PCM1: variants seen among roughly 807,000 people sequenced by gnomAD.
PCM1 encodes pericentriolar material 1.
A neutral mutation model predicts 241.9 loss-of-function variants in PCM1; 157 were observed. That is an observed-to-expected ratio of 0.65 (90% CI 0.57 to 0.74). The LOEUF (loss-of-function observed/expected upper bound fraction) is 0.74, where lower values mean the gene tolerates loss of function less well. Among genes scored for constraint, PCM1 ranks in the 30% least tolerant of loss-of-function variants. The pLI, the probability that PCM1 is intolerant of heterozygous loss-of-function variation, is 0.00. For missense variants in PCM1, 3,478 were observed against 2,360.1 expected, an observed-to-expected ratio of 1.47 and a Z score of -9.81; for synonymous variants, 1,085 against 784.9, an observed-to-expected ratio of 1.38 and a Z score of -6.39.
At position 17,939,089 on chromosome 8, in the gene PCM1, G is replaced by A. The variant is rs538047547; in HGVS notation, c.612+80G>A. 557 of 1,404,018 alleles carry A rather than the reference G, an allele frequency of 4.0e-4. 3 individuals are homozygous for A. The African/African-American group carries it at 4.6e-3, about 12-fold the overall frequency. The allele number at this position is 1,404,018 out of a possible 1,614,324, so 87.0% of individuals were successfully genotyped here. The stretch of plus-strand genomic sequence containing the variant: ...AGTAAGGTTTAGAAAATTAGGTTAC[G>A]CACACAGGAATTTTAGTTGGGTGGA... On this transcript the variant is annotated intron_variant, in intron 5 of 38. Transcript: ENST00000325083.
rs115439448 is a variant in PCM1, at chr8:18,007,377, G to T, written c.4962+980G>T. Among the ~76,000 whole-genome samples, 1,107 of 152,176 alleles carry T rather than the reference G, an allele frequency of 7.3e-3. 9 individuals are homozygous for T. Among genetic ancestry groups the T allele is most frequent in the African/African-American group, 0.026 (1,063 of 41,500 alleles). ...TAGGACTAAAGGACAAATTGTCCTG[G>T]CCCCGTTAGCAGTTATTAGTACTAA... On this transcript the variant is annotated intron_variant, in intron 30 of 38. Transcript: ENST00000325083.
At chr8:17,938,524 G>A (rs1349286178) in intron 4 of PCM1, among the ~76,000 whole-genome samples, 3 of 152,136 alleles carry the variant, frequency 2.0e-5, no homozygotes. Flanking sequence ...CAGTTGAATT[G>A]TCTCAGCAAA....
intron 2 of PCM1, among the ~76,000 whole-genome samples, chr8:17,930,485 G>A (rs192012023): frequency 6.6e-6 from 1 of 152,132 alleles, no homozygotes; most frequent in African/African-American, 2.4e-5. Context: ...CAGAGATTCT[G>A]TATTTGTAAT....
intron 21 of PCM1, among the ~76,000 whole-genome samples, chr8:17,968,253 G>A (rs1032850107): frequency 1.3e-5 from 2 of 152,146 alleles, no homozygotes; most frequent in Admixed American, 6.6e-5. Context: ...TTGAAGAGTG[G>A]CAGAGAGATT....
chr8:18,021,227 T>C (rs1341954968), intron 36 of PCM1, among the ~76,000 whole-genome samples: 2 of 152,098 alleles, frequency 1.3e-5, no homozygotes, highest in Non-Finnish European at 2.9e-5. Flanking sequence ...CTTCAAACTG[T>C]CATTATTATT....
intron 8 of PCM1, 43 bp from the exon 9 acceptor site, chr8:17,952,927 C>A (rs750543262): frequency 1.7e-6 from 2 of 1,171,964 alleles, no homozygotes; most frequent in African/African-American, 1.6e-5. Flanking sequence ...CATTTAATTG[C>A]GTTAGTCTTA....
At chr8:17,995,854 G>A (rs971583436) in intron 29 of PCM1, among the ~76,000 whole-genome samples, 2 of 152,008 alleles carry the variant, frequency 1.3e-5, no homozygotes, top group Admixed American at 6.6e-5. Context: ...ATATAGAAAT[G>A]CTACTGATTT....
intron 24 of PCM1, among the ~76,000 whole-genome samples, chr8:17,983,617 A>T (rs928319252): frequency 1.4e-4 from 21 of 152,108 alleles, no homozygotes; most frequent in African/African-American, 5.1e-4. Context: ...TTAGACCTAG[A>T]AATATAGTTA....
intron 23 of PCM1, among the ~76,000 whole-genome samples, chr8:17,974,600 T>G (rs1564086095): frequency 1.3e-5 from 2 of 152,146 alleles, no homozygotes. Flanking sequence ...ACAGGAACCT[T>G]AGCTAATTTA....
At chr8:17,988,116 C>G (rs1423827436) in intron 26 of PCM1, among the ~76,000 whole-genome samples, 1 of 151,700 alleles carries the variant, frequency 6.6e-6, no homozygotes, top group African/African-American at 2.4e-5. Flanking sequence ...AGAAAACACA[C>G]TTTGTGTCTC....
intron 7 of PCM1, among the ~76,000 whole-genome samples, chr8:17,948,614 C>G (rs1261591467): frequency 2.0e-5 from 3 of 151,950 alleles, no homozygotes; most frequent in Admixed American, 1.3e-4. Flanking sequence ...ATAACTTACT[C>G]TTTTGTAGTA....
At chr8:17,949,242 G>A (rs2065077615) in intron 7 of PCM1, among the ~76,000 whole-genome samples, 1 of 152,030 alleles carries the variant, frequency 6.6e-6, no homozygotes, top group Non-Finnish European at 1.5e-5. Context: ...AAAAGCCATG[G>A]AAAGCTACAA....
intron 29 of PCM1, among the ~76,000 whole-genome samples, chr8:17,999,816 T>C (rs1342278007): frequency 6.6e-6 from 1 of 152,152 alleles, no homozygotes; most frequent in Non-Finnish European, 1.5e-5. Context: ...GCTTCTGTTC[T>C]GCCATCTTGC....
chr8:18,025,305 C>T (rs117969563), intron 36 of PCM1, 56 bp from the exon 37 acceptor site: 19,378 of 908,836 alleles, frequency 0.021, 338 homozygotes, highest in South Asian at 0.05. Context: ...TATTTCTTTA[C>T]ATGGATGACT....
At chr8:17,963,312 A>T (rs1036791575) in intron 17 of PCM1, 21 bp downstream of exon 17, 2 of 1,550,908 alleles carry the variant, frequency 1.3e-6, no homozygotes, top group Non-Finnish European at 1.7e-6. Flanking sequence ...TGCATAAATC[A>T]CTTTTCTAAA....
intron 23 of PCM1, among the ~76,000 whole-genome samples, chr8:17,978,274 C>A (rs1300394715): frequency 1.3e-5 from 2 of 151,840 alleles, no homozygotes; most frequent in African/African-American, 2.4e-5. Context: ...ACAAGAAGTT[C>A]TGAAGGGGAA....
chr8:18,027,668 C>T lies in PCM1; in HGVS notation c.*6C>T, dbSNP rs772500001. 7 of 1,582,938 alleles carry T rather than the reference C, an allele frequency of 4.4e-6. No individual in the cohort carries two copies. The highest frequency in any genetic ancestry group is 1.1e-5 in the South Asian group (1 of 87,316). On this transcript the variant is annotated 3_prime_UTR_variant, in exon 39 of 39. Transcript: ENST00000325083. ...TGGGAGCCCAGAGTATATGAGATGT[C>T]TTCAGAGGCTCATCTAACTCTGTCC...
intron 34 of PCM1, among the ~76,000 whole-genome samples, chr8:18,012,378 C>T (rs966512838): frequency 6.6e-5 from 10 of 151,966 alleles, no homozygotes; most frequent in Non-Finnish European, 4.4e-5. Flanking sequence ...TTAATGGCCC[C>T]AAAGCACAAG....
intron 18 of PCM1, among the ~76,000 whole-genome samples, chr8:17,965,070 T>A (rs1217104645): frequency 1.3e-5 from 2 of 152,064 alleles, no homozygotes; most frequent in African/African-American, 4.8e-5. Context: ...CTAGAACAAC[T>A]CACGAAATAC....
Sources: gnomAD v4.1 joint callset for allele counts (sites outside exome capture counted in the v4.1 genomes callset) on GRCh38, gnomAD v4.1.1 for gene constraint, MANE v1.5 for transcripts, NCBI Gene and HGNC (gene_info 2026-07-23, HGNC 2026-07-21) for gene names.